The following ZNF285 variants were observed in gnomAD, a reference collection of about 807,000 sequenced individuals.
ZNF285 encodes zinc finger protein 285A.
Under a neutral mutation model 6.2 loss-of-function variants are expected in ZNF285, and 4 were observed. The ratio of observed to expected loss-of-function variants is 0.65; its 90% CI spans 0.32 to 1.49. ZNF285 has a LOEUF of 1.49. Among genes scored for constraint, ZNF285 ranks in the 40% most tolerant of loss-of-function variants. ZNF285 has a pLI of 0.07. For missense variants in ZNF285, 695 were observed against 708.8 expected (o/e 0.98, Z 0.22); for synonymous variants, 240 against 245.8 (o/e 0.98, Z 0.22).
At chr19:44,388,662 A>C (rs1479552202) in intron 3 of ZNF285, among the ~76,000 whole-genome samples, 3 of 151,066 alleles carry the variant, frequency 2.0e-5, no homozygotes, top group Non-Finnish European at 2.9e-5. Context: ...AGTCGATAAA[A>C]AGCCTTTAAT....
intron 3 of ZNF285, among the ~76,000 whole-genome samples, chr19:44,389,101 T>C (rs1971149404): frequency 6.6e-6 from 1 of 151,164 alleles, no homozygotes; most frequent in South Asian, 2.1e-4. Flanking sequence ...GATCCTACAA[T>C]CCATTTCCTT....
intron 2 of ZNF285, 191 bp downstream of exon 2, chr19:44,397,008 A>C (rs1971292156): frequency 1.3e-6 from 1 of 749,080 alleles, no homozygotes; most frequent in Non-Finnish European, 2.2e-6. Context: ...AGACATCTTG[A>C]AATCTGTGAG....
In ZNF285 at chr19:44,386,031, T is replaced by G. The variant is rs1399610165; in HGVS notation, c.*441A>C. 1 of 165,990 alleles carries G rather than the reference T, an allele frequency of 6.0e-6. No individual in the cohort carries two copies. The highest frequency in any genetic ancestry group is 1.3e-5 in the Non-Finnish European group (1 of 74,714). 10.3% of individuals were successfully genotyped at this position (165,990 alleles called of 1,614,324 possible). A position where few individuals can be genotyped will look rare whatever the true frequency, so the allele number is the denominator to read the frequency against. On this transcript the variant is annotated 3_prime_UTR_variant, in exon 4 of 4. Transcript: ENST00000614994. The stretch of plus-strand genomic sequence containing the variant: ...AAACCTGGGTACTAACGTTCTTTCA[T>G]AGTAAGAGCATGGGTTTCATTTTTG...
rs1257209214 is a variant in ZNF285 at position 44,384,674 on chromosome 19, ACT to A, written c.*1796_*1797del. The A allele has an allele frequency of 6.6e-6, 1 of 151,924 alleles. No individual in the cohort carries two copies. The highest frequency in any genetic ancestry group is 1.5e-5 in the Non-Finnish European group (1 of 67,980). The allele number at this position is 151,924 out of a possible 1,614,324, so 9.4% of individuals were successfully genotyped here. A position where few individuals can be genotyped will look rare whatever the true frequency, so the allele number is the denominator to read the frequency against. ...TAAGTCAATTAAAACAAAAAAGGAC[ACT>A]GTTTTTGAAGGAAAAAAAAAACACC... On this transcript the variant is annotated 3_prime_UTR_variant, in exon 4 of 4. Coordinates refer to ENST00000614994, the MANE Select transcript of ZNF285 (RefSeq NM_152354.6).
intron 1 of ZNF285, among the ~76,000 whole-genome samples, chr19:44,397,884 G>GAA (rs61478336): frequency 0.029 from 2,740 of 95,530 alleles, 80 homozygotes; most frequent in African/African-American, 0.073. Flanking sequence ...TCTCAAAAGA[G>GAA]AAAAAAAAAA....
chr19:44,386,562 C>T lies in ZNF285; in HGVS notation c.1683G>A (p.Val561=), dbSNP rs753974858. 1.5e-5 allele frequency: 24 copies of T among 1,614,044 alleles called. No individual in the cohort carries two copies. The highest frequency in any genetic ancestry group is 5.3e-5 in the African/African-American group (4 of 74,926). ...RNSYLLAHQR[V]HIDETQYTHC... ...GTGTGTACTGTGTCTCATCTATATG[C>T]ACTCTCTGATGGGCAAGGAGGTATG... The change falls in exon 4 of 4, where the codon GTG becomes GTA. Residue 561 remains valine (V), a synonymous_variant. Coordinates refer to ENST00000614994, the MANE Select transcript of ZNF285 (RefSeq NM_152354.6).
At chr19:44,397,713 T>C (rs1269477130) in intron 1 of ZNF285, among the ~76,000 whole-genome samples, 2 of 151,940 alleles carry the variant, frequency 1.3e-5, no homozygotes, top group African/African-American at 4.8e-5. Flanking sequence ...GGTGAAACCC[T>C]GTCTCTACTA....
rs769546732 is a variant in ZNF285 at position 44,392,327 on chromosome 19, C to G, written c.142+13G>C. The G allele has an allele frequency of 6.2e-7, 1 of 1,613,800 alleles. No individual in the cohort carries two copies. The highest frequency in any genetic ancestry group is 8.5e-7 in the Non-Finnish European group (1 of 1,179,780). On this transcript the variant is annotated intron_variant, in intron 3 of 3. Transcript: ENST00000614994. ...AGGAAACAGGTCCAGTGGTCTCATGCTCAGTTACTCACTCACTAACATGAG... is the reference window on the plus strand; with the variant it reads ...AGGAAACAGGTCCAGTGGTCTCATGGTCAGTTACTCACTCACTAACATGAG...
In ZNF285 at chr19:44,386,500, C is replaced by T. The variant is rs150036734; in HGVS notation, c.1745G>A (p.Arg582Lys). Reference protein sequence around the residue: ...ERGKDLLTHQRLHEQRETL With the variant: ...ERGKDLLTHQKLHEQRETL The stretch of plus-strand genomic sequence containing the variant: ...TAATGTTTCTCTCTGCTCATGTAGT[C>T]TTTGATGAGTCAGAAGGTCCTTTCC... Residue 582 changes from arginine (R) to lysine (K), a missense_variant, in exon 4 of 4, where the codon AGA becomes AAA. Coordinates refer to ENST00000614994, the MANE Select transcript of ZNF285 (RefSeq NM_152354.6). 4.1e-4 allele frequency: 658 copies of T among 1,611,916 alleles called. No homozygotes were observed. The highest frequency in any genetic ancestry group is 2.7e-3 in the African/African-American group (199 of 74,882).
chr19:44,390,195 C>G (rs559219671), intron 3 of ZNF285, among the ~76,000 whole-genome samples: 14 of 132,080 alleles, frequency 1.1e-4, no homozygotes, highest in African/African-American at 5.5e-4. Context: ...GATTCACTGA[C>G]AGCTTCACTG....
At chr19:44,389,915 G>A (rs1971164322) in intron 3 of ZNF285, among the ~76,000 whole-genome samples, 1 of 152,164 alleles carries the variant, frequency 6.6e-6, no homozygotes, top group Admixed American at 6.5e-5. Context: ...AGGACCTAGG[G>A]CCAAATTAGG....
In ZNF285 at chr19:44,392,480, C is replaced by T; in HGVS notation, c.16-14G>A. ...TGTCACCCTTTCCTAAAACATCAAC[C>T]ACATGCCACGTCAATCATCCACACA... is the stretch of plus-strand genomic sequence containing the variant. On this transcript the variant is annotated splice_polypyrimidine_tract_variant and intron_variant, in intron 2 of 3. Transcript: ENST00000614994. 6.2e-7 allele frequency: 1 copy of T among 1,613,786 alleles called. No individual in the cohort carries two copies. Among genetic ancestry groups the T allele is most frequent in the South Asian group, 1.1e-5 (1 of 91,072 alleles).
rs765848183 is a variant in ZNF285, at chr19:44,388,045, G to A, written c.200C>T (p.Ser67Leu). Residue 67 changes from serine to leucine, a missense_variant, in exon 4 of 4, where the codon TCG becomes TTG. Physicochemically the swap from Ser to Leu is moderately radical, Grantham distance 145 (BLOSUM62 -2). Coordinates refer to ENST00000614994, the MANE Select transcript of ZNF285 (RefSeq NM_152354.6). ...NLQAKGLSYL[S>L]QEVLHCWQIW... ...CTGCCAGCAATGAAGCACTTCTTGC[G>A]AAAGGTAACTTAACCCCTTTGCCTG... is the stretch of plus-strand genomic sequence containing the variant. The A allele has an allele frequency of 6.8e-6, 11 of 1,613,976 alleles. No individual in the cohort carries two copies. Among genetic ancestry groups the A allele is most frequent in the East Asian group, 2.2e-5 (1 of 44,880 alleles).
intron 1 of ZNF285, among the ~76,000 whole-genome samples, chr19:44,399,792 G>C (rs145400871): frequency 0.011 from 1,642 of 151,914 alleles, 27 homozygotes; most frequent in Non-Finnish European, 0.016. Flanking sequence ...TTGGCTCGGG[G>C]TAAGGAAATC....
At chr19:44,391,259 C>A (rs545561559) in intron 3 of ZNF285, among the ~76,000 whole-genome samples, 1 of 151,952 alleles carries the variant, frequency 6.6e-6, no homozygotes, top group Non-Finnish European at 1.5e-5. Context: ...TCCCCAGGCA[C>A]GTGGAACTGT....
In ZNF285 at chr19:44,383,776, T is replaced by C. The variant is rs1971033470; in HGVS notation, c.*2696A>G. ...CATGCTCATATTTATTTAGGATCTC[T>C]GCATCTTCATTTGTAAATGAGATTG... On this transcript the variant is annotated 3_prime_UTR_variant, in exon 4 of 4. Coordinates refer to ENST00000614994, the MANE Select transcript of ZNF285 (RefSeq NM_152354.6). The C allele has an allele frequency of 6.6e-6, 1 of 152,232 alleles. No individual in the cohort carries two copies. Among genetic ancestry groups the C allele is most frequent in the Non-Finnish European group, 1.5e-5 (1 of 68,042 alleles). 9.4% of individuals were successfully genotyped at this position (152,232 alleles called of 1,614,324 possible). A position where few individuals can be genotyped will look rare whatever the true frequency, so the allele number is the denominator to read the frequency against.
chr19:44,391,481 G>C (rs1217817092), intron 3 of ZNF285, among the ~76,000 whole-genome samples: 2 of 152,020 alleles, frequency 1.3e-5, no homozygotes, highest in Non-Finnish European at 2.9e-5. Context: ...CATGTGGCTG[G>C]GGAGGCCTCA....
rs913946778 is a variant in ZNF285 at position 44,400,782 on chromosome 19, C to T, written c.-44+786G>A. Among the ~76,000 whole-genome samples, 4 of 152,022 alleles carry T rather than the reference C, an allele frequency of 2.6e-5. 1 individual carries two copies. The highest frequency in any genetic ancestry group is 2.6e-4 in the Admixed American group (4 of 15,284). On this transcript the variant is annotated intron_variant, in intron 1 of 3. Coordinates refer to ENST00000614994, the MANE Select transcript of ZNF285 (RefSeq NM_152354.6). ...TTTTGTAGTAGAGACGGGGTTTCAC[C>T]GTGTTAGCCAGGATGGTCTCGATCT...
chr19:44,401,237 ATGCACATCCCAAGAC>A (rs1246608742), intron 1 of ZNF285, among the ~76,000 whole-genome samples: 1 of 152,070 alleles, frequency 6.6e-6, no homozygotes, highest in Non-Finnish European at 1.5e-5. Flanking sequence ...TCATCCAGAG[ATGCACATCCCAAGAC>A]TGACCCTAAG....
Sources: allele counts gnomAD v4.1 joint callset (sites outside exome capture counted in the v4.1 genomes callset), GRCh38; gene constraint gnomAD v4.1.1; transcripts MANE v1.5; gene names NCBI Gene and HGNC (gene_info 2026-07-23, HGNC 2026-07-21).